The following NFKB1 variants were observed in gnomAD, a reference collection of about 807,000 sequenced individuals.
NFKB1 encodes nuclear factor NF-kappa-B p105 subunit.
A neutral mutation model predicts 105.1 loss-of-function variants in NFKB1; 9 were observed. The ratio of observed to expected loss-of-function variants is 0.09; its 90% CI spans 0.05 to 0.15. NFKB1 has a LOEUF of 0.15. Ranked by LOEUF, NFKB1 falls within the 10% of genes least tolerant of loss-of-function variation. NFKB1 has a pLI of 1.00. For synonymous variants in NFKB1, 440 were observed against 442.2 expected, an observed-to-expected ratio of 1.00 and a Z score of 0.06; for missense variants, 830 against 1,203.7, an observed-to-expected ratio of 0.69 and a Z score of 4.59.
At chr4:102,613,715 C>A in intron 23 of NFKB1, 134 bp downstream of exon 23, 2 of 1,072,326 alleles carry the variant, frequency 1.9e-6, no homozygotes, top group Non-Finnish European at 2.6e-6. Flanking sequence ...TCTCTCTACC[C>A]CCTGGGCTCA....
chr4:102,601,000 T>A lies in NFKB1; in HGVS notation c.1743T>A (p.Asp581Glu). Residue 581 changes from aspartate to glutamate, a missense_variant, in exon 16 of 24, where the codon GAT becomes GAA. By Grantham distance (45) the Asp-to-Glu change is conservative. Coordinates refer to ENST00000226574, the MANE Select transcript of NFKB1 (RefSeq NM_003998.4). The stretch of plus-strand genomic sequence containing the variant: ...ATGACATTATCAACATGAGAAATGA[T>A]CTGTACCAGGTAAGCAGAAATCTCA... ...ISDDIINMRN[D>E]LYQTPLHLAV... The A allele has an allele frequency of 6.3e-7, 1 of 1,582,294 alleles. No individual in the cohort carries two copies. The highest frequency in any genetic ancestry group is 8.7e-7 in the Non-Finnish European group (1 of 1,151,718).
intron 20 of NFKB1, among the ~76,000 whole-genome samples, chr4:102,611,543 G>A (rs1224508047): frequency 2.0e-5 from 3 of 152,222 alleles, no homozygotes; most frequent in Non-Finnish European, 4.4e-5. Flanking sequence ...GACAATTCTG[G>A]ACCCTCAGTT....
chr4:102,510,892 G>T, intron 1 of NFKB1: 3 of 1,276,962 alleles, frequency 2.3e-6, no homozygotes, highest in Non-Finnish European at 3.1e-6. Flanking sequence ...GGAACACAAC[G>T]TCCTACATCA....
At chr4:102,608,753 T>G (rs900489570) in intron 19 of NFKB1, among the ~76,000 whole-genome samples, 1 of 152,176 alleles carries the variant, frequency 6.6e-6, no homozygotes, top group Admixed American at 6.5e-5. Flanking sequence ...ACCATATTTT[T>G]CTTTTCTCTT....
Position 102,501,678 on chromosome 4 carries a change from G to T in NFKB1, c.-118G>T, listed in dbSNP as rs942425511. 1.3e-5 allele frequency: 2 copies of T among 151,702 alleles called. No homozygotes were observed. Among genetic ancestry groups the T allele is most frequent in the African/African-American group, 4.8e-5 (2 of 41,340 alleles). The allele number at this position is 151,702 out of a possible 1,614,324, so 9.4% of individuals were successfully genotyped here. Reference sequence around the variant, plus strand: ...CTCGCCCCGACCCGCACTCGGGCCCGCCCGGGCTCCGGCCTGCCGCCGCCT... The same window carrying T: ...CTCGCCCCGACCCGCACTCGGGCCCTCCCGGGCTCCGGCCTGCCGCCGCCT... On this transcript the variant is annotated 5_prime_UTR_variant, in exon 1 of 24. Coordinates refer to ENST00000226574, the MANE Select transcript of NFKB1 (RefSeq NM_003998.4).
chr4:102,608,899 A>T (rs7683854), intron 19 of NFKB1, among the ~76,000 whole-genome samples: 49,463 of 151,634 alleles, frequency 0.33, 8,369 homozygotes, highest in Admixed American at 0.42. Flanking sequence ...ACACCTGTAA[A>T]CTCAGCACTT....
intron 1 of NFKB1, chr4:102,511,000 A>G (rs1739741551): frequency 1.6e-6 from 2 of 1,251,364 alleles, no homozygotes; most frequent in Non-Finnish European, 1.0e-6. Context: ...AAAAAGCAGG[A>G]TTGGAGATGA....
chr4:102,564,531 A>T (rs569069805), intron 5 of NFKB1, among the ~76,000 whole-genome samples: 2 of 152,302 alleles, frequency 1.3e-5, no homozygotes, highest in Non-Finnish European at 2.9e-5. Flanking sequence ...GACTCTTTCA[A>T]ATGGATCCAA....
chr4:102,606,534 T>C lies in NFKB1; in HGVS notation c.1791T>C (p.Asp597=). 6.2e-7 allele frequency: 1 copy of C among 1,614,144 alleles called. No homozygotes were observed. The highest frequency in any genetic ancestry group is 8.5e-7 in the Non-Finnish European group (1 of 1,180,034). Residue 597 remains aspartate, a synonymous_variant, in exon 17 of 24, where the codon GAT becomes GAC. Coordinates refer to ENST00000226574, the MANE Select transcript of NFKB1 (RefSeq NM_003998.4). ...LHLAVITKQE[D]VVEDLLRAGA... ...TGGCAGTGATCACTAAGCAGGAAGA[T>C]GTGGTGGAGGATTTGCTGAGGGCTG...
Position 102,610,714 on chromosome 4 carries a change from A to G in NFKB1, c.2352+15A>G, listed in dbSNP as rs769009252. ...CCAGCTGGCAGGTGAGTGCCGCTCCATCTGTCTGATGGCTGCCCCTGAGGG... is the reference window on the plus strand; with the variant it reads ...CCAGCTGGCAGGTGAGTGCCGCTCCGTCTGTCTGATGGCTGCCCCTGAGGG... On this transcript the variant is annotated intron_variant, in intron 20 of 23. Transcript: ENST00000226574. The G allele has an allele frequency of 2.5e-6, 4 of 1,612,630 alleles. No individual in the cohort carries two copies. Among genetic ancestry groups the G allele is most frequent in the South Asian group, 2.2e-5 (2 of 90,926 alleles).
rs1233216553 is a variant in NFKB1 at position 102,570,858 on chromosome 4, T to A, written c.407+3723T>A. 4.6e-5 allele frequency among the ~76,000 whole-genome samples: 7 copies of A among 152,154 alleles called. No homozygotes were observed. The East Asian group carries it at 1.2e-3, about 25-fold the overall frequency. ...AGGACACAAACTAATGGAAGAACATTCCATGCTCATGGATAGGAAGAATCA... is the reference window on the plus strand; with the variant it reads ...AGGACACAAACTAATGGAAGAACATACCATGCTCATGGATAGGAAGAATCA... On this transcript the variant is annotated intron_variant, in intron 6 of 23. Transcript: ENST00000226574.
At chr4:102,613,764 G>T (rs1418115087) in intron 23 of NFKB1, among the ~76,000 whole-genome samples, 183 bp downstream of exon 23, 1 of 152,138 alleles carries the variant, frequency 6.6e-6, no homozygotes, top group South Asian at 2.1e-4. Flanking sequence ...AGATGAGGGG[G>T]TCGTACCCTT....
intron 11 of NFKB1, among the ~76,000 whole-genome samples, chr4:102,585,592 A>G (rs1020362354): frequency 3.3e-5 from 5 of 152,190 alleles, no homozygotes; most frequent in Non-Finnish European, 7.4e-5. Context: ...TTCTCTCACA[A>G]AAGATGCTTT....
At chr4:102,565,412 G>T (rs977405883) in intron 5 of NFKB1, among the ~76,000 whole-genome samples, 1 of 152,102 alleles carries the variant, frequency 6.6e-6, no homozygotes, top group Non-Finnish European at 1.5e-5. Flanking sequence ...ACCCTCTGGG[G>T]AATAATGCCA....
chr4:102,510,807 A>T, intron 1 of NFKB1: 1 of 351,246 alleles, frequency 2.8e-6, no homozygotes, highest in Non-Finnish European at 4.4e-6. Context: ...CTCACTAATT[A>T]TAACTATATT....
In NFKB1 at chr4:102,534,171, C is replaced by T. The variant is rs139379375; in HGVS notation, c.159+286C>T. Among the ~76,000 whole-genome samples, 7 of 152,214 alleles carry T rather than the reference C, an allele frequency of 4.6e-5. No homozygotes were observed. In the East Asian group the frequency reaches 1.3e-3, roughly 29 times the overall value. ...TGCTGTCTCTACCAGCTTAACTTAC[C>T]AGCCACTCCCAGGAAAGGCAGAGGT... On this transcript the variant is annotated intron_variant, in intron 4 of 23. Transcript: ENST00000226574.
intron 1 of NFKB1, among the ~76,000 whole-genome samples, chr4:102,516,388 C>T (rs1321732740): frequency 2.0e-5 from 3 of 152,032 alleles, no homozygotes; most frequent in Non-Finnish European, 4.4e-5. Flanking sequence ...GTTACAAATA[C>T]GTAAGACTGC....
intron 10 of NFKB1, among the ~76,000 whole-genome samples, chr4:102,583,915 A>C (rs952608996): frequency 6.6e-6 from 1 of 152,220 alleles, no homozygotes; most frequent in Non-Finnish European, 1.5e-5. Context: ...TCTGCGAACT[A>C]ATATAGAAAG....
chr4:102,503,955 A>G (rs1421749396), intron 1 of NFKB1, among the ~76,000 whole-genome samples: 7 of 152,204 alleles, frequency 4.6e-5, no homozygotes, highest in Non-Finnish European at 1.0e-4. Flanking sequence ...TACGAGGTCT[A>G]GATAGGGAAT....
Sources: gnomAD v4.1 joint callset for allele counts (sites outside exome capture counted in the v4.1 genomes callset) on GRCh38, gnomAD v4.1.1 for gene constraint, MANE v1.5 for transcripts, NCBI Gene and HGNC (gene_info 2026-07-23, HGNC 2026-07-21) for gene names.